CAMSAP2: variants seen among roughly 807,000 people sequenced by gnomAD.
The protein encoded by CAMSAP2 is calmodulin regulated spectrin associated protein family member 2.
CAMSAP2 carries 26 observed loss-of-function variants against 146.1 expected under a neutral mutation model. The ratio of observed to expected loss-of-function variants is 0.18; its 90% confidence interval spans 0.13 to 0.25. The LOEUF is 0.25. Ranked by LOEUF, CAMSAP2 falls within the 10% of genes least tolerant of loss-of-function variation. The pLI is 1.00. For missense variants in CAMSAP2, 1,381 were observed against 1,759.3 expected (o/e 0.78, Z 3.85); for synonymous variants, 499 against 596.6 (o/e 0.84, Z 2.38).
intron 2 of CAMSAP2, among the ~76,000 whole-genome samples, chr1:200,774,593 A>G (rs190851182): frequency 7.7e-4 from 117 of 152,338 alleles, no homozygotes; most frequent in African/African-American, 2.6e-3. Flanking sequence ...AAAGCAGGAT[A>G]ATACAAGTGA....
intron 1 of CAMSAP2, among the ~76,000 whole-genome samples, chr1:200,747,235 A>G (rs1020035894): frequency 2.0e-5 from 3 of 152,138 alleles, no homozygotes; most frequent in African/African-American, 7.2e-5. Context: ...ATGGAGAAAG[A>G]AAGGACCCAA....
chr1:200,832,626 GTAC>G lies in CAMSAP2; in HGVS notation c.788-77_788-75del. On this transcript the variant is annotated intron_variant, in intron 5 of 16. Transcript: ENST00000358823. This position sits in a 1 kb window ranked among gnomAD's most constrained non-coding sequence, Gnocchi z 4.2. ...GTTTGTTAACCAGAATTGTGTATTT[GTAC>G]TAATTACAAGATGGATATGAAATAT... 4.3e-6 allele frequency: 5 copies of G among 1,175,092 alleles called. No homozygotes were observed. Among genetic ancestry groups the G allele is most frequent in the Non-Finnish European group, 5.9e-6 (5 of 846,576 alleles). 72.8% of individuals were successfully genotyped at this position (1,175,092 alleles called of 1,614,324 possible). A position where few individuals can be genotyped will look rare whatever the true frequency, so the allele number is the denominator to read the frequency against.
At chr1:200,816,687 TACATGCACACATATATGTGTATATATAC>T (rs1339755331) in intron 4 of CAMSAP2, among the ~76,000 whole-genome samples, 1 of 141,818 alleles carries the variant, frequency 7.1e-6, no homozygotes, top group Non-Finnish European at 1.5e-5. Context: ...TGTGTATATG[TACATGCACACATATATGTGTATATATAC>T]ACACGCACAT....
intron 11 of CAMSAP2, 93 bp downstream of exon 11, chr1:200,850,327 T>G: frequency 2.8e-6 from 3 of 1,076,776 alleles, no homozygotes; most frequent in Non-Finnish European, 2.7e-6. Flanking sequence ...GCTTGCTTCT[T>G]TCAGTAGCAG....
intron 7 of CAMSAP2, among the ~76,000 whole-genome samples, chr1:200,843,333 C>T (rs1667375477): frequency 6.6e-6 from 1 of 152,082 alleles, no homozygotes; most frequent in Admixed American, 6.6e-5. Context: ...CTTCAGGCAG[C>T]CCACCGCATC....
chr1:200,753,298 CAA>C lies in CAMSAP2; in HGVS notation c.140-7523_140-7522del, dbSNP rs35626597. 6.6e-3 allele frequency among the ~76,000 whole-genome samples: 666 copies of C among 101,310 alleles called. 11 individuals carry two copies. The highest frequency in any genetic ancestry group is 0.037 in the Admixed American group (384 of 10,356). 66.5% of individuals were successfully genotyped at this position (101,310 alleles called of 152,430 possible). Reference sequence around the variant, plus strand: ...GGGCAACAGAGGCAAAACTCCATCTCAAAAAAAAAAAAAAAAAAAGATAGAGC... The same window carrying C: ...GGGCAACAGAGGCAAAACTCCATCTCAAAAAAAAAAAAAAAAAGATAGAGC... On this transcript the variant is annotated intron_variant, in intron 1 of 16. Coordinates refer to ENST00000358823, the MANE Select transcript of CAMSAP2 (RefSeq NM_203459.4).
chr1:200,740,056 C>T (rs891553553), intron 1 of CAMSAP2, 90 bp downstream of exon 1: 1 of 1,425,078 alleles, frequency 7.0e-7, no homozygotes, highest in South Asian at 1.2e-5. Flanking sequence ...CCTCCCTCCC[C>T]GTGCCTGTCT....
chr1:200,743,698 T>C (rs1664240387), intron 1 of CAMSAP2, among the ~76,000 whole-genome samples: 1 of 151,982 alleles, frequency 6.6e-6, no homozygotes, highest in Non-Finnish European at 1.5e-5. Flanking sequence ...CCCAGCACTT[T>C]GGGAGACCAA....
chr1:200,762,641 T>C (rs923983530), intron 2 of CAMSAP2, among the ~76,000 whole-genome samples: 1 of 152,250 alleles, frequency 6.6e-6, no homozygotes, highest in African/African-American at 2.4e-5. Flanking sequence ...GATACAGATA[T>C]ATATGTCATA....
chr1:200,816,353 G>T (rs1223398291), intron 4 of CAMSAP2, among the ~76,000 whole-genome samples: 2 of 151,544 alleles, frequency 1.3e-5, no homozygotes, highest in African/African-American at 4.9e-5. Flanking sequence ...AGCACTTTGG[G>T]AGGCTGAGAC....
chr1:200,852,470 A>T, intron 11 of CAMSAP2, 71 bp from the exon 12 acceptor site: 5 of 1,536,262 alleles, frequency 3.3e-6, no homozygotes, highest in Non-Finnish European at 4.4e-6. Flanking sequence ...ACAAAATGTG[A>T]CTACAACAAT....
chr1:200,788,367 A>C (rs1665652368), intron 2 of CAMSAP2, among the ~76,000 whole-genome samples: 1 of 152,216 alleles, frequency 6.6e-6, no homozygotes, highest in African/African-American at 2.4e-5. Context: ...TTATGTGGAC[A>C]TAAGTTTTCA....
chr1:200,754,574 CTTTTT>C (rs35219206), intron 1 of CAMSAP2, among the ~76,000 whole-genome samples: 15 of 86,568 alleles, frequency 1.7e-4, no homozygotes, highest in African/African-American at 3.2e-4. Flanking sequence ...GAAAGAGCTC[CTTTTT>C]TTTTTTTTTT....
At chr1:200,747,323 A>G (rs1664363012) in intron 1 of CAMSAP2, among the ~76,000 whole-genome samples, 1 of 152,196 alleles carries the variant, frequency 6.6e-6, no homozygotes, top group African/African-American at 2.4e-5. Context: ...TCAGAAGACT[A>G]GGGAAGAGAA....
chr1:200,810,262 G>A (rs71635511), intron 3 of CAMSAP2, among the ~76,000 whole-genome samples: 12,451 of 152,106 alleles, frequency 0.082, 647 homozygotes, highest in South Asian at 0.21. Flanking sequence ...TGACTCTTCC[G>A]GTCTATTGGA....
intron 2 of CAMSAP2, among the ~76,000 whole-genome samples, chr1:200,769,417 G>A (rs1476994346): frequency 6.6e-6 from 1 of 152,070 alleles, no homozygotes; most frequent in Admixed American, 6.6e-5. Flanking sequence ...ACACCAGTGG[G>A]GTGTCCTCTA....
chr1:200,814,417 G>A (rs960615446), intron 3 of CAMSAP2, among the ~76,000 whole-genome samples: 1 of 151,708 alleles, frequency 6.6e-6, no homozygotes, highest in African/African-American at 2.4e-5. Context: ...GACCAGCCTG[G>A]TCAACATTGT....
chr1:200,789,734 T>C lies in CAMSAP2; in HGVS notation c.400-17642T>C, dbSNP rs894686237. Among the ~76,000 whole-genome samples the C allele has an allele frequency of 4.6e-5, 7 of 152,224 alleles. 1 individual carries two copies. Among genetic ancestry groups the C allele is most frequent in the Admixed American group, 4.6e-4 (7 of 15,280 alleles). On this transcript the variant is annotated intron_variant, in intron 2 of 16. Transcript: ENST00000358823. ...TTTTACTGGGATTGCATTGAATCTG[T>C]AGATCAAGTTGGGAAAAACCGGTAT...
chr1:200,807,403 C>G lies in CAMSAP2; in HGVS notation c.427C>G (p.Leu143Val). ...MSAHLAMIDT[L>V]MMAYTVEMVS... ...TGCACATTTGGCCATGATCGATACC[C>G]TCATGATGGCTTATACTGTAGAAAT... The change falls in exon 3 of 17, where the codon CTC (leucine) becomes GTC (valine). Residue 143 changes from leucine to valine, a missense_variant. Coordinates refer to ENST00000358823, the MANE Select transcript of CAMSAP2 (RefSeq NM_203459.4). The G allele has an allele frequency of 3.8e-6, 6 of 1,584,534 alleles. No individual in the cohort carries two copies. Among genetic ancestry groups the G allele is most frequent in the Non-Finnish European group, 5.2e-6 (6 of 1,164,072 alleles).
Sources: gnomAD v4.1 joint callset for allele counts (sites outside exome capture counted in the v4.1 genomes callset) on GRCh38, gnomAD v4.1.1 for gene constraint, Gnocchi (gnomAD v3.1) non-coding constraint, MANE v1.5 for transcripts, NCBI Gene and HGNC (gene_info 2026-07-23, HGNC 2026-07-21) for gene names.